Variants in MGMT observed in about 807,000 individuals in gnomAD.
The protein encoded by MGMT is O-6-methylguanine-DNA methyltransferase, also known as methylated-DNA--protein-cysteine methyltransferase.
In MGMT, 14 loss-of-function variants were observed where a neutral mutation model predicts 15.9. That is an observed-to-expected ratio of 0.88 (90% CI 0.58 to 1.37). The LOEUF is 1.37. Ranked by LOEUF, MGMT falls within the 40% of genes most tolerant of loss-of-function variation. The pLI, the probability that MGMT is intolerant of heterozygous loss-of-function variation, is 0.00. For synonymous variants in MGMT, 130 were observed against 118.2 expected (o/e 1.10, Z -0.65); for missense variants, 282 against 268.1 (o/e 1.05, Z -0.36).
intron 3 of MGMT, among the ~76,000 whole-genome samples, chr10:129,710,981 T>G (rs1848226487): frequency 6.6e-6 from 1 of 152,350 alleles, no homozygotes; most frequent in South Asian, 2.1e-4. Flanking sequence ...CTGGTTTGTC[T>G]ATGTCAACAT....
rs188309007 is a variant in MGMT, at chr10:129,625,249, C to G, written c.126-82646C>G. Among the ~76,000 whole-genome samples, 335 of 152,250 alleles carry G rather than the reference C, an allele frequency of 2.2e-3. 2 individuals are homozygous for G. The highest frequency in any genetic ancestry group is 7.7e-3 in the African/African-American group (321 of 41,540). ...ATCTTCCCTCAAAGAAAAATCTAGG[C>G]CCATACAGCTTCACTGTTCAGTTTT... On this transcript the variant is annotated intron_variant, in intron 2 of 4. Coordinates refer to ENST00000651593, the MANE Select transcript of MGMT (RefSeq NM_002412.5).
intron 2 of MGMT, among the ~76,000 whole-genome samples, chr10:129,537,838 G>T (rs751113046): frequency 1.3e-5 from 2 of 152,194 alleles, no homozygotes; most frequent in Non-Finnish European, 2.9e-5. Flanking sequence ...CAAACCATGG[G>T]AGCTGGGGCT....
intron 1 of MGMT, among the ~76,000 whole-genome samples, chr10:129,477,063 C>T (rs1056340447): frequency 2.0e-5 from 3 of 152,130 alleles, no homozygotes; most frequent in Non-Finnish European, 4.4e-5. Flanking sequence ...GCCTCTGCAT[C>T]TGTGCTCTGC....
intron 2 of MGMT, among the ~76,000 whole-genome samples, chr10:129,555,054 G>A (rs1015852992): frequency 6.6e-6 from 1 of 152,208 alleles, no homozygotes; most frequent in Non-Finnish European, 1.5e-5. Context: ...CCACCCCATA[G>A]TAAGCACTCA....
At chr10:129,667,417 A>G (rs560857466) in intron 2 of MGMT, among the ~76,000 whole-genome samples, 20 of 152,218 alleles carry the variant, frequency 1.3e-4, no homozygotes, top group African/African-American at 4.8e-4. Context: ...ATCCAGTGTT[A>G]TGTTTGGGAG....
At chr10:129,748,175 TA>T (rs1848715184) in intron 3 of MGMT, among the ~76,000 whole-genome samples, 4 of 152,228 alleles carry the variant, frequency 2.6e-5, no homozygotes, top group Admixed American at 1.3e-4. Flanking sequence ...CTACATAAGT[TA>T]CTGGGAATGC....
chr10:129,511,810 T>A (rs1845686882), intron 1 of MGMT, among the ~76,000 whole-genome samples: 1 of 152,160 alleles, frequency 6.6e-6, no homozygotes, highest in South Asian at 2.1e-4. Context: ...CAAAGTGGCG[T>A]CTGGGCTGGC....
At chr10:129,550,819 G>A (rs1846148768) in intron 2 of MGMT, among the ~76,000 whole-genome samples, 1 of 152,150 alleles carries the variant, frequency 6.6e-6, no homozygotes, top group South Asian at 2.1e-4. Context: ...ATTTCTGCCA[G>A]CCCATCCCCT....
chr10:129,746,846 A>G (rs1049352976), intron 3 of MGMT, among the ~76,000 whole-genome samples: 4 of 152,192 alleles, frequency 2.6e-5, no homozygotes, highest in African/African-American at 9.7e-5. Context: ...TCTAAATTTT[A>G]GAGTCAACAT....
intron 2 of MGMT, among the ~76,000 whole-genome samples, chr10:129,678,496 A>T (rs897745817): frequency 6.6e-6 from 1 of 152,132 alleles, no homozygotes; most frequent in Non-Finnish European, 1.5e-5. Flanking sequence ...GGGCTGTGTT[A>T]GAAAGCATGC....
At chr10:129,470,531 G>T (rs1008798934) in intron 1 of MGMT, among the ~76,000 whole-genome samples, 1 of 152,182 alleles carries the variant, frequency 6.6e-6, no homozygotes, top group African/African-American at 2.4e-5. Context: ...AATCATTTTT[G>T]TGACTTTGTT....
chr10:129,622,713 C>A (rs568074555), intron 2 of MGMT, among the ~76,000 whole-genome samples: 13 of 152,048 alleles, frequency 8.5e-5, no homozygotes, highest in African/African-American at 2.2e-4. Flanking sequence ...TGGATTGCAT[C>A]CAAATAAGGT....
intron 3 of MGMT, among the ~76,000 whole-genome samples, chr10:129,717,374 G>T (rs541957853): frequency 6.6e-6 from 1 of 152,200 alleles, no homozygotes; most frequent in South Asian, 2.1e-4. Context: ...GGTAAATAGC[G>T]TGTTCAGTAG....
chr10:129,567,982 TC>T (rs1386882218), intron 2 of MGMT, among the ~76,000 whole-genome samples: 1 of 152,212 alleles, frequency 6.6e-6, no homozygotes, highest in African/African-American at 2.4e-5. Context: ...ATGCTACTGT[TC>T]CCATCGTAGC....
intron 2 of MGMT, among the ~76,000 whole-genome samples, chr10:129,592,333 C>T (rs1846696529): frequency 6.6e-6 from 1 of 152,194 alleles, no homozygotes; most frequent in Admixed American, 6.5e-5. Flanking sequence ...GTGAGCTTAA[C>T]AGCATTTCAA....
At position 129,674,205 on chromosome 10, in the gene MGMT, TTTATTC is replaced by T. The variant is rs1193815952; in HGVS notation, c.126-33688_126-33683del. Among the ~76,000 whole-genome samples the T allele has an allele frequency of 9.2e-5, 14 of 152,322 alleles. No individual in the cohort carries two copies. The East Asian group carries it at 2.7e-3, about 29-fold the overall frequency. On this transcript the variant is annotated intron_variant, in intron 2 of 4. Coordinates refer to ENST00000651593, the MANE Select transcript of MGMT (RefSeq NM_002412.5). ...CAATTAGAAACCACTCAAATGCTTT[TTTATTC>T]TAATTCTGAGGTTACCAATTCCTTA...
chr10:129,668,284 T>TAA (rs200384311), intron 2 of MGMT, among the ~76,000 whole-genome samples: 27 of 145,004 alleles, frequency 1.9e-4, no homozygotes, highest in South Asian at 8.7e-4. Flanking sequence ...ATATTCATCT[T>TAA]AAAAAAAAAA....
chr10:129,647,834 C>G (rs1415346571), intron 2 of MGMT, among the ~76,000 whole-genome samples: 1 of 152,184 alleles, frequency 6.6e-6, no homozygotes, highest in Non-Finnish European at 1.5e-5. Context: ...CCATTTGATT[C>G]AATTTCCCTC....
chr10:129,712,010 A>G (rs562505950), intron 3 of MGMT, among the ~76,000 whole-genome samples: 16 of 152,378 alleles, frequency 1.1e-4, no homozygotes, highest in East Asian at 5.8e-4. Context: ...CAATGCAGCT[A>G]CAAGAAATCC....
Sources: gnomAD v4.1 joint callset for allele counts (sites outside exome capture counted in the v4.1 genomes callset) on GRCh38, gnomAD v4.1.1 for gene constraint, MANE v1.5 for transcripts, NCBI Gene and HGNC (gene_info 2026-07-23, HGNC 2026-07-21) for gene names.